The following PDE10A variants were observed in gnomAD, a reference collection of about 807,000 sequenced individuals.
PDE10A encodes the protein cAMP and cAMP-inhibited cGMP 3',5'-cyclic phosphodiesterase 10A.
In PDE10A, 39 loss-of-function variants were observed where a neutral mutation model predicts 97.7. That is an observed-to-expected ratio of 0.40 (90% confidence interval 0.31 to 0.52). PDE10A has a LOEUF of 0.52. Ranked by LOEUF, PDE10A falls within the 20% of genes least tolerant of loss-of-function variation. PDE10A has a pLI of 0.56. For missense variants in PDE10A, 731 were observed against 1,047.8 expected (o/e 0.70, Z 4.17); for synonymous variants, 371 against 376.8 (o/e 0.98, Z 0.18).
chr6:165,512,329 G>C (rs1032749548), intron 2 of PDE10A, among the ~76,000 whole-genome samples: 1 of 151,786 alleles, frequency 6.6e-6, no homozygotes, highest in Non-Finnish European at 1.5e-5. Flanking sequence ...GTCTTTGAAA[G>C]ATGTTATTTC....
intron 1 of PDE10A, among the ~76,000 whole-genome samples, chr6:165,842,780 C>T (rs189609876): frequency 2.6e-5 from 4 of 152,178 alleles, no homozygotes; most frequent in African/African-American, 9.7e-5. Flanking sequence ...GTGGAAGAGG[C>T]AAGAGTCATG....
At chr6:165,619,321 G>GTAGTCTAGTGTAGTGTAGTCTA (rs1787924585) in intron 1 of PDE10A, among the ~76,000 whole-genome samples, 3 of 40,860 alleles carry the variant, frequency 7.3e-5, no homozygotes, top group African/African-American at 3.2e-4. Context: ...AGTCTAGTGT[G>GTAGTCTAGTGTAGTGTAGTCTA]GTGTAGTGTA....
intron 1 of PDE10A, among the ~76,000 whole-genome samples, chr6:165,752,215 C>A (rs141321459): frequency 6.6e-6 from 1 of 151,560 alleles, no homozygotes; most frequent in Non-Finnish European, 1.5e-5. Flanking sequence ...AATGTGGGTG[C>A]GCACTGTCTA....
chr6:165,538,909 A>T (rs1190676168), intron 2 of PDE10A, among the ~76,000 whole-genome samples: 1 of 152,216 alleles, frequency 6.6e-6, no homozygotes, highest in African/African-American at 2.4e-5. Flanking sequence ...GAGGAAATTT[A>T]CTGTCAAATT....
intron 1 of PDE10A, among the ~76,000 whole-genome samples, chr6:165,942,762 G>A (rs117752347): frequency 5.3e-5 from 8 of 152,118 alleles, no homozygotes; most frequent in Non-Finnish European, 1.2e-4. Flanking sequence ...GTGCTGGTAG[G>A]TATTTACGAC....
chr6:165,751,574 G>A (rs1793002040), intron 1 of PDE10A, among the ~76,000 whole-genome samples: 1 of 152,100 alleles, frequency 6.6e-6, no homozygotes, highest in Non-Finnish European at 1.5e-5. Flanking sequence ...GAGACTGGCA[G>A]GACTTCTTTT....
chr6:165,796,137 C>A (rs1227553657), intron 1 of PDE10A, among the ~76,000 whole-genome samples: 1 of 143,778 alleles, frequency 7.0e-6, no homozygotes, highest in African/African-American at 2.6e-5. Context: ...GATCTGTCAC[C>A]CAGGCCGGAG....
At chr6:165,597,007 G>A (rs1786638120) in intron 1 of PDE10A, among the ~76,000 whole-genome samples, 1 of 151,898 alleles carries the variant, frequency 6.6e-6, no homozygotes, top group Admixed American at 6.6e-5. Context: ...CCTACTTGGT[G>A]CAGCCTTCCC....
At chr6:165,362,078 A>G (rs1783461757) in intron 18 of PDE10A, among the ~76,000 whole-genome samples, 1 of 152,228 alleles carries the variant, frequency 6.6e-6, no homozygotes, top group East Asian at 1.9e-4. Flanking sequence ...ATGAATGTCT[A>G]TATTAAGAAA....
chr6:165,798,310 G>A (rs1443474286), intron 1 of PDE10A, among the ~76,000 whole-genome samples: 3 of 152,136 alleles, frequency 2.0e-5, no homozygotes, highest in African/African-American at 7.2e-5. Context: ...AAATTGAGAT[G>A]AAAAGTGTAA....
At chr6:165,907,508 A>G (rs1055449856) in intron 1 of PDE10A, among the ~76,000 whole-genome samples, 8 of 152,348 alleles carry the variant, frequency 5.3e-5, no homozygotes, top group African/African-American at 1.9e-4. Flanking sequence ...CAGACTCTGC[A>G]AAGAGGAGCT....
intron 1 of PDE10A, among the ~76,000 whole-genome samples, chr6:165,912,232 C>T (rs985802144): frequency 6.6e-6 from 1 of 152,274 alleles, no homozygotes; most frequent in South Asian, 2.1e-4. Flanking sequence ...TACACACACA[C>T]ACACGTATAT....
intron 1 of PDE10A, among the ~76,000 whole-genome samples, chr6:165,614,678 G>GT (rs1216168753): frequency 6.6e-6 from 1 of 152,050 alleles, no homozygotes; most frequent in Non-Finnish European, 1.5e-5. Flanking sequence ...GTTCACTGTT[G>GT]TATTTCCAGC....
intron 1 of PDE10A, among the ~76,000 whole-genome samples, chr6:165,719,185 A>G (rs149828269): frequency 1.2e-4 from 18 of 152,308 alleles, no homozygotes; most frequent in Admixed American, 2.0e-4. Flanking sequence ...AGGAAAAGAA[A>G]TTATTAAAGA....
intron 2 of PDE10A, among the ~76,000 whole-genome samples, chr6:165,490,479 A>G (rs539728): frequency 0.13 from 20,544 of 152,188 alleles, 1,576 homozygotes; most frequent in East Asian, 0.25. Context: ...AATCTTCAAA[A>G]TACACCAAAA....
At chr6:165,469,146 C>T (rs894078310) in intron 3 of PDE10A, among the ~76,000 whole-genome samples, 1 of 152,182 alleles carries the variant, frequency 6.6e-6, no homozygotes, top group African/African-American at 2.4e-5. Context: ...TTCTATGTAT[C>T]ATCTGCATCA....
intron 1 of PDE10A, among the ~76,000 whole-genome samples, chr6:165,826,753 G>C (rs1355569131): frequency 6.7e-6 from 1 of 148,536 alleles, no homozygotes; most frequent in African/African-American, 2.5e-5. Flanking sequence ...AAACGGAGCT[G>C]ACATCATGGA....
intron 2 of PDE10A, among the ~76,000 whole-genome samples, chr6:165,510,324 C>A (rs1235182520): frequency 1.3e-5 from 2 of 151,886 alleles, no homozygotes; most frequent in Non-Finnish European, 2.9e-5. Context: ...ACTGATGTAT[C>A]ATGTATATTG....
intron 1 of PDE10A, among the ~76,000 whole-genome samples, chr6:165,848,186 A>G (rs1310203804): frequency 1.3e-5 from 2 of 152,154 alleles, no homozygotes; most frequent in African/African-American, 4.8e-5. Flanking sequence ...TTCTTGACGC[A>G]TTCATTCTAC....
Sources: gnomAD v4.1 joint callset for allele counts (sites outside exome capture counted in the v4.1 genomes callset) on GRCh38, gnomAD v4.1.1 for gene constraint, MANE v1.5 for transcripts, NCBI Gene and HGNC (gene_info 2026-07-23, HGNC 2026-07-21) for gene names.